The following KLK1 variants were observed in gnomAD, a reference collection of about 807,000 sequenced individuals.
The protein encoded by KLK1 is kallikrein 1.
A neutral mutation model predicts 23.3 loss-of-function variants in KLK1; 22 were observed. The observed-to-expected ratio is 0.95, with a 90% CI of 0.68 to 1.35. The LOEUF (loss-of-function observed/expected upper bound fraction) is 1.35, where lower values mean the gene tolerates loss of function less well. Ranked by LOEUF, KLK1 falls within the 40% of genes most tolerant of loss-of-function variation. The pLI, the probability that KLK1 is intolerant of heterozygous loss-of-function variation, is 0.00. For synonymous variants in KLK1, 140 were observed against 135.8 expected, an observed-to-expected ratio of 1.03 and a Z score of -0.21; for missense variants, 301 against 338.9, an observed-to-expected ratio of 0.89 and a Z score of 0.88.
intron 1 of KLK1, among the ~76,000 whole-genome samples, chr19:50,823,461 C>T (rs1348766134): frequency 1.3e-5 from 2 of 151,938 alleles, no homozygotes; most frequent in Non-Finnish European, 2.9e-5. Flanking sequence ...ACTGAGGCTT[C>T]CTGGGAGGAG....
rs1046114804 is a variant in KLK1 at position 50,821,185 on chromosome 19, A to G, written c.206+527T>C. ...AACCAGCCCTTCCCTGTGTCTCTCC[A>G]GAGTGGAGGGATATCCTGTGGGGCG... On this transcript the variant is annotated intron_variant, in intron 2 of 4. Transcript: ENST00000301420. This position sits in a 1 kb window ranked among gnomAD's most constrained non-coding sequence, Gnocchi z 5.6. Among the ~76,000 whole-genome samples, 2 of 152,122 alleles carry G rather than the reference A, an allele frequency of 1.3e-5. No individual in the cohort carries two copies. Among genetic ancestry groups the G allele is most frequent in the Non-Finnish European group, 2.9e-5 (2 of 68,000 alleles).
Position 50,821,193 on chromosome 19 carries a change from G to A in KLK1, c.206+519C>T, listed in dbSNP as rs1020670234. On this transcript the variant is annotated intron_variant, in intron 2 of 4. Transcript: ENST00000301420. The surrounding 1 kb of genome is among the most constrained non-coding windows in gnomAD (Gnocchi z 5.6). ...CTTCCCTGTGTCTCTCCAGAGTGGA[G>A]GGATATCCTGTGGGGCGGGGAGCTG... 6.6e-6 allele frequency among the ~76,000 whole-genome samples: 1 copy of A among 152,198 alleles called. No homozygotes were observed. The highest frequency in any genetic ancestry group is 6.5e-5 in the Admixed American group (1 of 15,282).
At chr19:50,823,633 C>A in intron 1 of KLK1, 70 bp downstream of exon 1, 1 of 999,132 alleles carries the variant, frequency 1.0e-6, no homozygotes, top group Non-Finnish European at 1.5e-6. Flanking sequence ...AAGGTCTTAT[C>A]GGGGGGGGAT....
rs777053498 is a variant in KLK1, at chr19:50,821,383, A to G, written c.206+329T>C. Reference sequence around the variant, plus strand: ...GAGATGGGTAGAGAGATGGAGGGTGAGACACAGTGACAGAGATGCCGCAGA... The same window carrying G: ...GAGATGGGTAGAGAGATGGAGGGTGGGACACAGTGACAGAGATGCCGCAGA... On this transcript the variant is annotated intron_variant, in intron 2 of 4. Transcript: ENST00000301420. This position sits in a 1 kb window ranked among gnomAD's most constrained non-coding sequence, Gnocchi z 5.6. Among the ~76,000 whole-genome samples the G allele has an allele frequency of 3.3e-5, 5 of 152,114 alleles. No individual in the cohort carries two copies. Among genetic ancestry groups the G allele is most frequent in the Non-Finnish European group, 7.4e-5 (5 of 68,008 alleles).
Position 50,821,888 on chromosome 19 carries a change from G to C in KLK1, c.47-17C>G. Reference sequence around the variant, plus strand: ...GCGCAGCACCTGCAGAGGCGGTGCTGGGTCAGGAAGGGCAGGGTTGGCAGG... The same window carrying C: ...GCGCAGCACCTGCAGAGGCGGTGCTCGGTCAGGAAGGGCAGGGTTGGCAGG... On this transcript the variant is annotated splice_polypyrimidine_tract_variant and intron_variant, in intron 1 of 4. Transcript: ENST00000301420. This position sits in a 1 kb window ranked among gnomAD's most constrained non-coding sequence, Gnocchi z 5.6. The C allele has an allele frequency of 6.3e-7, 1 of 1,593,708 alleles. No individual in the cohort carries two copies. The highest frequency in any genetic ancestry group is 1.1e-5 in the South Asian group (1 of 88,738).
At position 50,819,362 on chromosome 19, in the gene KLK1, G is replaced by T. The variant is rs761228719; in HGVS notation, c.634-13C>A. On this transcript the variant is annotated splice_polypyrimidine_tract_variant and intron_variant, in intron 4 of 4. Coordinates refer to ENST00000301420, the MANE Select transcript of KLK1 (RefSeq NM_002257.4). ...CCCCTGAATCACCCTGGGAGCACAA[G>T]GTGGGAGGGGAGAGTGAGAAAGGTC... 3 of 1,597,916 alleles carry T rather than the reference G, an allele frequency of 1.9e-6. No homozygotes were observed. The highest frequency in any genetic ancestry group is 2.7e-5 in the African/African-American group (2 of 74,592).
chr19:50,820,496 T>TGGGTAATTGGGGTG, intron 2 of KLK1, 53 bp from the exon 3 acceptor site: 1 of 207,676 alleles, frequency 4.8e-6, no homozygotes, highest in Non-Finnish European at 8.9e-6. Flanking sequence ...GAAAAGGGGA[T>TGGGTAATTGGGGTG]GGGGCAGGGG....
Position 50,819,167 on chromosome 19 carries a change from C to T in KLK1, c.*27G>A. The T allele has an allele frequency of 6.3e-7, 1 of 1,584,082 alleles. No individual in the cohort carries two copies. The highest frequency in any genetic ancestry group is 1.1e-5 in the South Asian group (1 of 88,638). On this transcript the variant is annotated 3_prime_UTR_variant, in exon 5 of 5. Transcript: ENST00000301420. Reference sequence around the variant, plus strand: ...CACATTGGATGCACATTTGATTTTACTGGGGGTAGGGGACAGGGCTGGGCG... The same window carrying T: ...CACATTGGATGCACATTTGATTTTATTGGGGGTAGGGGACAGGGCTGGGCG...
In KLK1 at chr19:50,819,197, G is replaced by C; in HGVS notation, c.786C>G (p.Ser262=). The change falls in exon 5 of 5, where the codon TCC becomes TCG. Residue 262 remains serine, a synonymous_variant. Transcript: ENST00000301420. ...KWIEDTIAEN[S] is the part of the protein sequence containing the mutation. The stretch of plus-strand genomic sequence containing the variant: ...GGTAGGGGACAGGGCTGGGCGTTCA[G>C]GAGTTCTCCGCTATGGTGTCCTCGA... 1 of 1,611,640 alleles carries C rather than the reference G, an allele frequency of 6.2e-7. No individual in the cohort carries two copies. The highest frequency in any genetic ancestry group is 1.1e-5 in the South Asian group (1 of 90,898).
At position 50,820,458 on chromosome 19, in the gene KLK1, G is replaced by T. The variant is rs1000211094; in HGVS notation, c.207-15C>A. The T allele has an allele frequency of 5.3e-6, 7 of 1,317,910 alleles. No individual in the cohort carries two copies. Among genetic ancestry groups the T allele is most frequent in the Middle Eastern group, 4.2e-4 (2 of 4,724 alleles). 81.6% of individuals were successfully genotyped at this position (1,317,910 alleles called of 1,614,324 possible). A position where few individuals can be genotyped will look rare whatever the true frequency, so the allele number is the denominator to read the frequency against. ...GCTGGTAATTGCTGGGGAAAGATGGGAATGGAGGGATGAGAAGACGGGAAG... is the reference window on the plus strand; with the variant it reads ...GCTGGTAATTGCTGGGGAAAGATGGTAATGGAGGGATGAGAAGACGGGAAG... On this transcript the variant is annotated splice_polypyrimidine_tract_variant and intron_variant, in intron 2 of 4. Transcript: ENST00000301420.
Position 50,821,762 on chromosome 19 carries a change from GC to G in KLK1, c.155del (p.Gly52AlafsTer52), listed in dbSNP as rs753325914. On this transcript the variant is annotated frameshift_variant, in exon 2 of 5. Transcript: ENST00000301420. LOFTEE classifies it high-confidence loss of function. The surrounding 1 kb of genome is among the most constrained non-coding windows in gnomAD (Gnocchi z 5.6). The part of the protein sequence containing the change: ...LYHFSTFQCG[G>X]ILVHRQWVLT... ...GCACCCACTGGCGGTGCACCAGGAT[GC>G]CCCCACACTGGAAAGTGCTGAAATG... 2 of 1,613,832 alleles carry G rather than the reference GC, an allele frequency of 1.2e-6. No homozygotes were observed. Among genetic ancestry groups the G allele is most frequent in the African/African-American group, 1.3e-5 (1 of 74,928 alleles).
chr19:50,822,663 G>T (rs1347519820), intron 1 of KLK1: 1 of 985,196 alleles, frequency 1.0e-6, no homozygotes, highest in South Asian at 4.7e-5. Context: ...GGAGGGAGGC[G>T]TGAGTGGCAG....
chr19:50,821,858 C>T lies in KLK1; in HGVS notation c.60G>A (p.Pro20=), dbSNP rs372105936. The T allele has an allele frequency of 2.9e-5, 47 of 1,609,976 alleles. No homozygotes were observed. The highest frequency in any genetic ancestry group is 1.8e-4 in the East Asian group (8 of 44,816). The stretch of plus-strand genomic sequence containing the variant: ...AGCCTCCCACAATCCGGGACTGAAT[C>T]GGGGGCGCAGCACCTGCAGAGGCGG... ...LSLGGTGAAP[P]IQSRIVGGWE... The change falls in exon 2 of 5, where the codon CCG becomes CCA. Residue 20 remains proline, a synonymous_variant. Transcript: ENST00000301420. The surrounding 1 kb of genome is among the most constrained non-coding windows in gnomAD (Gnocchi z 5.6).
chr19:50,822,632 G>C, intron 1 of KLK1: 1 of 984,254 alleles, frequency 1.0e-6, no homozygotes, highest in South Asian at 4.7e-5. Context: ...GTTGCGGTCA[G>C]GACTGGGACG....
intron 1 of KLK1, chr19:50,822,788 T>C (rs1215237357): frequency 6.1e-6 from 6 of 983,518 alleles, no homozygotes; most frequent in East Asian, 1.1e-4. Context: ...AGGAAGAGGA[T>C]TGGAGAAGTG....
intron 1 of KLK1, 42 bp downstream of exon 1, chr19:50,823,661 A>T (rs764021829): frequency 7.3e-7 from 1 of 1,367,778 alleles, no homozygotes; most frequent in South Asian, 1.2e-5. Flanking sequence ...CAGCAAGAGA[A>T]TCAGGGCCCG....
intron 1 of KLK1, chr19:50,822,579 C>G (rs565468029): frequency 5.1e-6 from 5 of 985,330 alleles, no homozygotes; most frequent in African/African-American, 1.7e-5. Flanking sequence ...TCCTGTGAAC[C>G]AGGAATGGCA....
At position 50,821,906 on chromosome 19, in the gene KLK1, T is replaced by G; in HGVS notation, c.47-35A>C. 2.5e-6 allele frequency: 4 copies of G among 1,581,112 alleles called. No individual in the cohort carries two copies. Among genetic ancestry groups the G allele is most frequent in the Non-Finnish European group, 3.4e-6 (4 of 1,160,884 alleles). Reference sequence around the variant, plus strand: ...CGGTGCTGGGTCAGGAAGGGCAGGGTTGGCAGGAGAGGCCAGGGACAAGGC... The same window carrying G: ...CGGTGCTGGGTCAGGAAGGGCAGGGGTGGCAGGAGAGGCCAGGGACAAGGC... On this transcript the variant is annotated intron_variant, in intron 1 of 4. Transcript: ENST00000301420. The surrounding 1 kb of genome is among the most constrained non-coding windows in gnomAD (Gnocchi z 5.6).
Position 50,820,312 on chromosome 19 carries a change from G to C in KLK1, c.338C>G (p.Ala113Gly). 6.2e-7 allele frequency: 1 copy of C among 1,614,084 alleles called. No individual in the cohort carries two copies. Among genetic ancestry groups the C allele is most frequent in the Non-Finnish European group, 8.5e-7 (1 of 1,180,010 alleles). ...MSLLENHTRQ[A>G]DEDYSHDLML... ...GAGGTCGTGGCTGTAGTCCTCGTCT[G>C]CTTGGCGGGTGTGGTTCTCCAGGAG... The change falls in exon 3 of 5, where the codon GCA becomes GGA. Residue 113 changes from alanine (A) to glycine (G), a missense_variant. Transcript: ENST00000301420.
Sources: gnomAD v4.1 joint callset for allele counts (sites outside exome capture counted in the v4.1 genomes callset) on GRCh38, gnomAD v4.1.1 for gene constraint, Gnocchi (gnomAD v3.1) non-coding constraint, MANE v1.5 for transcripts, NCBI Gene and HGNC (gene_info 2026-07-23, HGNC 2026-07-21) for gene names.